The following AR variants were observed in gnomAD, a reference collection of about 807,000 sequenced individuals.
AR encodes the protein androgen receptor.
In AR, 8 loss-of-function variants were observed where a neutral mutation model predicts 53.9. That is an observed-to-expected ratio of 0.15 (90% CI 0.09 to 0.27). The LOEUF (loss-of-function observed/expected upper bound fraction) is 0.27. Among genes scored for constraint, AR ranks in the 10% least tolerant of loss-of-function variants. The probability of loss-of-function intolerance (pLI) is 1.00; values close to 1 mark genes in which losing one functional copy is unlikely to be tolerated. For synonymous variants in AR, 359 were observed against 316.4 expected (o/e 1.13, Z -1.43); for missense variants, 639 against 742.5 (o/e 0.86, Z 1.62).
chrX:67,723,312 C>CTCTGTGTGTGTGTG (rs1555997940), intron 7 of AR, among the ~76,000 whole-genome samples: 4,714 of 77,867 alleles, frequency 0.061, 333 homozygotes, highest in Non-Finnish European at 0.075. Flanking sequence ...GTTTGTCTGT[C>CTCTGTGTGTGTGTG]TGTGTGTGTG....
intron 2 of AR, among the ~76,000 whole-genome samples, chrX:67,654,977 T>C (rs1017267510): frequency 9.6e-6 from 1 of 103,828 alleles, no homozygotes; most frequent in Admixed American, 1.1e-4. Flanking sequence ...TTTGGTCTGG[T>C]CTATGACTCT....
At chrX:67,680,785 G>A (rs960542996) in intron 2 of AR, 1 of 327,708 alleles carries the variant, frequency 3.1e-6, no homozygotes, top group African/African-American at 2.6e-5. Flanking sequence ...ATACTGCATG[G>A]CAGCACCAAT....
At position 67,722,823 on chromosome X, in the gene AR, T is replaced by A. The variant is rs964498429; in HGVS notation, c.2450-4T>A. The A allele has an allele frequency of 1.5e-5, 18 of 1,209,138 alleles. No individual in the cohort carries two copies. Among genetic ancestry groups the A allele is most frequent in the African/African-American group, 7.0e-5 (4 of 57,069 alleles). On this transcript the variant is annotated splice_polypyrimidine_tract_variant and splice_region_variant and intron_variant, in intron 6 of 7. Transcript: ENST00000374690. Reference sequence around the variant, plus strand: ...CTCCCCATTCTGTCTTCATCCCACATCAGTTCCAGTGGATGGGCTGAAAAA... The same window carrying A: ...CTCCCCATTCTGTCTTCATCCCACAACAGTTCCAGTGGATGGGCTGAAAAA...
intron 1 of AR, among the ~76,000 whole-genome samples, chrX:67,548,946 A>G (rs965514878): frequency 1.1e-4 from 12 of 111,729 alleles, no homozygotes; most frequent in Non-Finnish European, 1.9e-4. Flanking sequence ...TAAAGGGACA[A>G]CTGGTGTTCC....
rs1269703151 is a variant in AR at position 67,545,441 on chromosome X, G to A, written c.295G>A (p.Ala99Thr). The A allele has an allele frequency of 1.7e-6, 2 of 1,197,193 alleles. No individual in the cohort carries two copies. The highest frequency in any genetic ancestry group is 3.6e-5 in the African/African-American group (2 of 56,087). Residue 99 changes from alanine (A) to threonine (T), a missense_variant, in exon 1 of 8, where the codon GCC becomes ACC. Around this residue, in one of 5 missense-constraint regions of AR, gnomAD observed 55 missense variants for 84.8 expected, o/e 0.65. Transcript: ENST00000374690. ...GCAGGGTGAGGATGGTTCTCCCCAA[G>A]CCCATCGTAGAGGCCCCACAGGCTA... Reference protein sequence around the residue: ...QQQGEDGSPQAHRRGPTGYLV... With the variant: ...QQQGEDGSPQTHRRGPTGYLV...
At chrX:67,708,311 T>C (rs936280394) in intron 3 of AR, among the ~76,000 whole-genome samples, 1 of 111,878 alleles carries the variant, frequency 8.9e-6, no homozygotes, top group Non-Finnish European at 1.9e-5. Context: ...TTTCACATAG[T>C]CCCATATTTC....
chrX:67,590,237 CT>C (rs1376255146), intron 1 of AR, among the ~76,000 whole-genome samples: 2 of 111,261 alleles, frequency 1.8e-5, no homozygotes, highest in South Asian at 3.8e-4. Context: ...ATGAAGGCTT[CT>C]TTTTTTCTTG....
intron 1 of AR, among the ~76,000 whole-genome samples, chrX:67,549,835 C>G (rs1649239383): frequency 8.9e-6 from 1 of 111,917 alleles, no homozygotes; most frequent in Admixed American, 9.4e-5. Flanking sequence ...GTCTTGCTCC[C>G]TTTCTCTATT....
rs1471937871 is a variant in AR, at chrX:67,545,109, G to A, written c.-38G>A. The A allele has an allele frequency of 1.4e-5, 16 of 1,175,934 alleles. No homozygotes were observed. The highest frequency in any genetic ancestry group is 2.0e-5 in the South Asian group (1 of 51,129). ...TCTGAGCAAGAGAAGGGGAGGCGGG[G>A]TAAGGGAAGTAGGTGGAAGATTCAG... On this transcript the variant is annotated 5_prime_UTR_variant, in exon 1 of 8. Coordinates refer to ENST00000374690, the MANE Select transcript of AR (RefSeq NM_000044.6).
chrX:67,585,225 T>C (rs1317238516), intron 1 of AR, among the ~76,000 whole-genome samples: 7 of 99,260 alleles, frequency 7.1e-5, no homozygotes, highest in Non-Finnish European at 8.0e-5. Flanking sequence ...ATTGCACCAC[T>C]GCACTCCAGC....
At chrX:67,723,310 G>GTC (rs201567591) in intron 7 of AR, among the ~76,000 whole-genome samples, 40,122 of 72,280 alleles carry the variant, frequency 0.56, 9,410 homozygotes, top group South Asian at 0.87. Context: ...GAGTTTGTCT[G>GTC]TCTGTGTGTG....
At position 67,729,963 on chromosome X, in the gene AR, T is replaced by G. The variant is rs762145052; in HGVS notation, c.*6122T>G. ...ACTTGGATGCTGACAGCAGCCACCA[T>G]CAGAATGACCCACGCAAAAAAAAGA... is the stretch of plus-strand genomic sequence containing the variant. On this transcript the variant is annotated 3_prime_UTR_variant, in exon 8 of 8. Coordinates refer to ENST00000374690, the MANE Select transcript of AR (RefSeq NM_000044.6). 2 of 168,935 alleles carry G rather than the reference T, an allele frequency of 1.2e-5. No individual in the cohort carries two copies. The highest frequency in any genetic ancestry group is 6.2e-5 in the African/African-American group (2 of 32,462). 13.9% of individuals were successfully genotyped at this position (168,935 alleles called of 1,213,427 possible). A position where few individuals can be genotyped will look rare whatever the true frequency, so the allele number is the denominator to read the frequency against.
At chrX:67,705,255 A>G (rs897967261) in intron 3 of AR, among the ~76,000 whole-genome samples, 2 of 111,187 alleles carry the variant, frequency 1.8e-5, no homozygotes, top group Non-Finnish European at 3.8e-5. Context: ...CATTTTCACG[A>G]TATTGATTCT....
chrX:67,695,888 G>A, intron 3 of AR: 2 of 752,858 alleles, frequency 2.7e-6, no homozygotes, highest in Non-Finnish European at 3.1e-6. Context: ...CTGGAGAAAA[G>A]CCAAGGAAGG....
At chrX:67,660,641 A>T (rs1227215724) in intron 2 of AR, among the ~76,000 whole-genome samples, 1 of 111,449 alleles carries the variant, frequency 9.0e-6, no homozygotes, top group Non-Finnish European at 1.9e-5. Flanking sequence ...TTGAAGTCAG[A>T]TAGCGTGATG....
intron 3 of AR, among the ~76,000 whole-genome samples, chrX:67,704,175 T>C (rs1305625930): frequency 8.9e-6 from 1 of 111,873 alleles, no homozygotes; most frequent in Non-Finnish European, 1.9e-5. Context: ...ATGGGATGGC[T>C]GGGTGCAATG....
chrX:67,719,006 C>T, intron 5 of AR, among the ~76,000 whole-genome samples: 1 of 111,140 alleles, frequency 9.0e-6, no homozygotes. Flanking sequence ...AGAATCCTTC[C>T]AGTCAGGACA....
At chrX:67,653,704 T>A (rs992099280) in intron 2 of AR, among the ~76,000 whole-genome samples, 34 of 110,976 alleles carry the variant, frequency 3.1e-4, no homozygotes, top group African/African-American at 1.1e-3. Context: ...TAGGCTGGTG[T>A]CTGGGATTTT....
intron 1 of AR, among the ~76,000 whole-genome samples, chrX:67,627,732 A>C (rs1232407750): frequency 9.0e-6 from 1 of 111,667 alleles, no homozygotes; most frequent in Admixed American, 9.5e-5. Flanking sequence ...CCTGAATGGT[A>C]ATGCCTAGGT....
Sources: gnomAD v4.1 joint callset for allele counts (sites outside exome capture counted in the v4.1 genomes callset) on GRCh38, gnomAD v4.1.1 for gene constraint, gnomAD v4.1.1 regional missense constraint, MANE v1.5 for transcripts, NCBI Gene and HGNC (gene_info 2026-07-23, HGNC 2026-07-21) for gene names.